Variants in MAP4K5 observed in about 807,000 individuals in gnomAD.
MAP4K5 encodes the protein MAPK/ERK kinase kinase kinase 5.
A neutral mutation model predicts 135.6 loss-of-function variants in MAP4K5; 82 were observed. The observed-to-expected ratio is 0.60, with a 90% confidence interval of 0.51 to 0.73. The LOEUF (loss-of-function observed/expected upper bound fraction) is 0.73. Ranked by LOEUF, MAP4K5 falls within the 30% of genes least tolerant of loss-of-function variation. The pLI, the probability that MAP4K5 is intolerant of heterozygous loss-of-function variation, is 0.00. For synonymous variants in MAP4K5, 347 were observed against 335.0 expected, an observed-to-expected ratio of 1.04 and a Z score of -0.39; for missense variants, 907 against 1,010.9, an observed-to-expected ratio of 0.90 and a Z score of 1.39.
intron 3 of MAP4K5, among the ~76,000 whole-genome samples, chr14:50,503,442 C>G (rs989490856): frequency 5.3e-5 from 8 of 152,026 alleles, no homozygotes; most frequent in East Asian, 1.9e-4. Flanking sequence ...TCAAAAGAGT[C>G]TTATGATCCT....
chr14:50,529,265 T>C (rs1030406633), intron 2 of MAP4K5, among the ~76,000 whole-genome samples: 5 of 152,056 alleles, frequency 3.3e-5, no homozygotes, highest in African/African-American at 1.2e-4. Flanking sequence ...CACACACCTG[T>C]AGTGCCAGCT....
At chr14:50,519,995 T>TTAATAACTTAA (rs2038114234) in intron 2 of MAP4K5, among the ~76,000 whole-genome samples, 2 of 151,958 alleles carry the variant, frequency 1.3e-5, no homozygotes, top group South Asian at 4.2e-4. Context: ...ACATGAAGAG[T>TTAATAACTTAA]TAATAAGGGG....
intron 1 of MAP4K5, among the ~76,000 whole-genome samples, chr14:50,557,162 T>C (rs1488053220): frequency 6.6e-6 from 1 of 152,238 alleles, no homozygotes; most frequent in Admixed American, 6.5e-5. Context: ...TATTATCTTT[T>C]TGATTATAGT....
intron 1 of MAP4K5, among the ~76,000 whole-genome samples, chr14:50,553,606 T>C (rs1381190488): frequency 1.3e-5 from 2 of 152,262 alleles, no homozygotes; most frequent in East Asian, 3.9e-4. Context: ...ACTGGGTGTT[T>C]ACCCAAAGGA....
chr14:50,464,209 G>A (rs946118162), intron 11 of MAP4K5, 76 bp from the exon 12 acceptor site: 13 of 727,194 alleles, frequency 1.8e-5, no homozygotes, highest in Admixed American at 1.4e-4. Flanking sequence ...ATTAACTTAG[G>A]AACAGTTAGT....
intron 1 of MAP4K5, chr14:50,559,322 C>G: frequency 6.6e-6 from 1 of 152,224 alleles, no homozygotes; most frequent in East Asian, 1.9e-4. Flanking sequence ...ATGATGGTAT[C>G]TTGAGGTTGA....
chr14:50,495,371 T>C (rs548208031), intron 3 of MAP4K5, among the ~76,000 whole-genome samples: 2 of 152,148 alleles, frequency 1.3e-5, no homozygotes, highest in Middle Eastern at 3.4e-3. Flanking sequence ...CAATGAGATA[T>C]CACTTCACAT....
intron 5 of MAP4K5, among the ~76,000 whole-genome samples, chr14:50,484,408 T>C (rs1017754624): frequency 3.3e-5 from 5 of 152,172 alleles, no homozygotes; most frequent in African/African-American, 1.2e-4. Flanking sequence ...TTTTTGTAAT[T>C]TAAAAGTTTA....
intron 2 of MAP4K5, among the ~76,000 whole-genome samples, chr14:50,508,404 A>T (rs1363635385): frequency 6.6e-6 from 1 of 152,162 alleles, no homozygotes; most frequent in Non-Finnish European, 1.5e-5. Context: ...GGATGACTTC[A>T]TGTCCTTTGT....
chr14:50,540,902 A>G (rs2038552449), intron 2 of MAP4K5, among the ~76,000 whole-genome samples: 2 of 152,232 alleles, frequency 1.3e-5, no homozygotes, highest in African/African-American at 4.8e-5. Context: ...TAAAGATATG[A>G]AAGATACAAG....
chr14:50,430,821 AGGGC>A (rs2035952303), intron 28 of MAP4K5, among the ~76,000 whole-genome samples: 1 of 152,226 alleles, frequency 6.6e-6, no homozygotes, highest in Non-Finnish European at 1.5e-5. Flanking sequence ...AAGTAGAATT[AGGGC>A]CTGGTAAAAA....
At chr14:50,487,111 C>T (rs1318725150) in intron 3 of MAP4K5, among the ~76,000 whole-genome samples, 1 of 152,174 alleles carries the variant, frequency 6.6e-6, no homozygotes, top group Non-Finnish European at 1.5e-5. Context: ...TTTAAAGAAC[C>T]TATCACTACT....
intron 1 of MAP4K5, among the ~76,000 whole-genome samples, chr14:50,560,720 C>T (rs1204029268): frequency 6.6e-6 from 1 of 152,132 alleles, no homozygotes; most frequent in Non-Finnish European, 1.5e-5. Flanking sequence ...GCAGGCCAAG[C>T]CCCAACCCCC....
chr14:50,486,574 T>C (rs2037367617), intron 3 of MAP4K5, among the ~76,000 whole-genome samples: 1 of 152,190 alleles, frequency 6.6e-6, no homozygotes, highest in African/African-American at 2.4e-5. Flanking sequence ...ATTGCAAAAG[T>C]AATTTTGCTT....
chr14:50,508,443 A>T (rs1197063269), intron 2 of MAP4K5, among the ~76,000 whole-genome samples: 1 of 152,148 alleles, frequency 6.6e-6, no homozygotes, highest in Non-Finnish European at 1.5e-5. Context: ...GGAAACCATC[A>T]TTCTGAGCAA....
upstream of MAP4K5, among the ~76,000 whole-genome samples, chr14:50,534,725 T>C (rs1388649156): frequency 2.0e-5 from 3 of 152,250 alleles, no homozygotes; most frequent in African/African-American, 7.2e-5. Flanking sequence ...ATAATCATTA[T>C]TTTACTTGTA....
At position 50,456,516 on chromosome 14, in the gene MAP4K5, A is replaced by G; in HGVS notation, c.1015T>C (p.Phe339Leu). 1 of 1,564,376 alleles carries G rather than the reference A, an allele frequency of 6.4e-7. No individual in the cohort carries two copies. The change falls in exon 14 of 33, where the codon TTT (phenylalanine) becomes CTT (leucine). Residue 339 changes from phenylalanine to leucine, a missense_variant and splice_region_variant. Phe to Leu is a conservative substitution (Grantham distance 22). Around this residue, in one of 3 missense-constraint regions of MAP4K5, gnomAD observed 690 missense variants for 777.4 expected, o/e 0.89. Coordinates refer to ENST00000682126, the MANE Select transcript of MAP4K5 (RefSeq NM_006575.6). Reference protein sequence around the residue: ...RAERTASEINFDKLQFEPPLR... With the variant: ...RAERTASEINLDKLQFEPPLR... ...TGGAAAATGTAAACCAAACACATACAATTTATTTCTGAAGCTGTCCGTTCA... is the reference window on the plus strand; with the variant it reads ...TGGAAAATGTAAACCAAACACATACGATTTATTTCTGAAGCTGTCCGTTCA...
intron 17 of MAP4K5, among the ~76,000 whole-genome samples, chr14:50,445,511 T>C (rs1264474952): frequency 1.3e-5 from 2 of 152,186 alleles, no homozygotes; most frequent in African/African-American, 4.8e-5. Flanking sequence ...ATGAACTGTT[T>C]CCCCTCCATG....
rs548698637 is a variant in MAP4K5 at position 50,421,939 on chromosome 14, TGAAGTGCAG to T, written c.2453+1173_2453+1181del. Among the ~76,000 whole-genome samples, 96 of 151,414 alleles carry T rather than the reference TGAAGTGCAG, an allele frequency of 6.3e-4. No homozygotes were observed. In the South Asian group the frequency reaches 0.019, roughly 29 times the overall value. On this transcript the variant is annotated intron_variant, in intron 32 of 32. Coordinates refer to ENST00000682126, the MANE Select transcript of MAP4K5 (RefSeq NM_006575.6). Reference sequence around the variant, plus strand: ...CAGAGTCTTGCTCTGTCGCCCAGGCTGAAGTGCAGTGGTGCGATCTTGGCTCACTGCAAC... The same window carrying T: ...CAGAGTCTTGCTCTGTCGCCCAGGCTTGGTGCGATCTTGGCTCACTGCAAC...
Sources: allele counts gnomAD v4.1 joint callset (sites outside exome capture counted in the v4.1 genomes callset), GRCh38; gene constraint gnomAD v4.1.1; regional missense constraint gnomAD v4.1.1; transcripts MANE v1.5; gene names NCBI Gene and HGNC (gene_info 2026-07-23, HGNC 2026-07-21).